Variants in DNAH12 observed in about 807,000 individuals in gnomAD.
DNAH12 encodes dynein axonemal heavy chain 12, also known as axonemal beta dynein heavy chain 12.
Under a neutral mutation model 371.5 loss-of-function variants are expected in DNAH12, and 285 were observed. That is an observed-to-expected ratio of 0.77 (90% CI 0.70 to 0.85). The LOEUF is 0.85. Ranked by LOEUF, DNAH12 falls within the 40% of genes least tolerant of loss-of-function variation. DNAH12 has a pLI of 0.00. For missense variants in DNAH12, 3,611 were observed against 3,689.4 expected, an observed-to-expected ratio of 0.98 and a Z score of 0.55; for synonymous variants, 1,200 against 1,213.0, an observed-to-expected ratio of 0.99 and a Z score of 0.22.
intron 40 of DNAH12, among the ~76,000 whole-genome samples, chr3:57,406,365 A>AAAAAG (rs1241982135): frequency 5.3e-5 from 8 of 151,688 alleles, no homozygotes; most frequent in South Asian, 4.2e-4. Context: ...TCAAAAAAAA[A>AAAAAG]AAAAAAGAAA....
chr3:57,529,927 T>C (rs898790201), intron 2 of DNAH12, among the ~76,000 whole-genome samples: 8 of 152,136 alleles, frequency 5.3e-5, no homozygotes, highest in Admixed American at 2.0e-4. Flanking sequence ...TTTTCATATG[T>C]TGCATTTCCA....
At chr3:57,391,343 A>AT (rs1437059025) in intron 45 of DNAH12, among the ~76,000 whole-genome samples, 2 of 151,888 alleles carry the variant, frequency 1.3e-5, no homozygotes, top group African/African-American at 4.8e-5. Context: ...CTAAGACATT[A>AT]TTTTTTTTCC....
intron 55 of DNAH12, among the ~76,000 whole-genome samples, chr3:57,368,993 T>C (rs1575511376): frequency 1.3e-5 from 2 of 151,736 alleles, no homozygotes; most frequent in Non-Finnish European, 1.5e-5. Flanking sequence ...GATCACCCGA[T>C]GTCAGGAGTT....
intron 62 of DNAH12, among the ~76,000 whole-genome samples, chr3:57,325,664 C>G (rs1325662489): frequency 6.6e-6 from 1 of 152,154 alleles, no homozygotes; most frequent in Non-Finnish European, 1.5e-5. Flanking sequence ...AGCAGAGCAC[C>G]TCTCCTCCTC....
intron 53 of DNAH12, among the ~76,000 whole-genome samples, chr3:57,376,742 T>G (rs889151993): frequency 6.6e-6 from 1 of 152,158 alleles, no homozygotes; most frequent in Non-Finnish European, 1.5e-5. Flanking sequence ...CACTTGGATT[T>G]AAAAAATTGT....
At chr3:57,397,647 C>G (rs2063772870) in intron 43 of DNAH12, among the ~76,000 whole-genome samples, 1 of 152,126 alleles carries the variant, frequency 6.6e-6, no homozygotes, top group Admixed American at 6.6e-5. Flanking sequence ...AGGAATACAA[C>G]GGAATCAGCA....
At position 57,322,516 on chromosome 3, in the gene DNAH12, G is replaced by A. The variant is rs531234028; in HGVS notation, c.10384-33C>T. On this transcript the variant is annotated intron_variant, in intron 64 of 73. Coordinates refer to ENST00000495027, the MANE Select transcript of DNAH12 (RefSeq NM_001366028.2). ...AAAATAAATGGAGAGCATTATACAA[G>A]ATAGCAAGTGGAGGCTCTAAAAGTG... The A allele has an allele frequency of 4.5e-4, 690 of 1,538,288 alleles. 1 individual carries two copies. Among genetic ancestry groups the A allele is most frequent in the Middle Eastern group, 8.4e-4 (5 of 5,926 alleles).
chr3:57,454,034 A>C (rs1484104265), intron 23 of DNAH12, among the ~76,000 whole-genome samples: 1 of 152,120 alleles, frequency 6.6e-6, no homozygotes, highest in African/African-American at 2.4e-5. Context: ...GCTTGAGCCC[A>C]GGAGTTTGAG....
chr3:57,426,731 C>T (rs2064781207), intron 34 of DNAH12, among the ~76,000 whole-genome samples: 1 of 151,460 alleles, frequency 6.6e-6, no homozygotes, highest in Non-Finnish European at 1.5e-5. Flanking sequence ...TGCCTGTAAT[C>T]CCAGCTACCT....
At chr3:57,488,072 A>G (rs1327479470) in intron 12 of DNAH12, among the ~76,000 whole-genome samples, 1 of 152,158 alleles carries the variant, frequency 6.6e-6, no homozygotes, top group Non-Finnish European at 1.5e-5. Flanking sequence ...TTGCTTATTC[A>G]ATTTAAGATA....
chr3:57,350,267 C>A (rs1230900976), intron 60 of DNAH12, among the ~76,000 whole-genome samples: 3 of 151,984 alleles, frequency 2.0e-5, no homozygotes, highest in Non-Finnish European at 4.4e-5. Flanking sequence ...ACCACCAGTT[C>A]CCCCAAAAAC....
rs1415844806 is a variant in DNAH12, at chr3:57,507,830, C to G, written c.710G>C (p.Gly237Ala). Reference sequence around the variant, plus strand: ...TTTCAGTGATTCACAGTCAATTGGACCTTTAGCTCTATTTATGAGAAAAAG... The same window carrying G: ...TTTCAGTGATTCACAGTCAATTGGAGCTTTAGCTCTATTTATGAGAAAAAG... Reference protein sequence around the residue: ...LLDFTGIRAKGPIDCESLKTD... With the variant: ...LLDFTGIRAKAPIDCESLKTD... The change falls in exon 8 of 74, where the codon GGT (glycine) becomes GCT (alanine). Residue 237 changes from glycine to alanine, a missense_variant. By Grantham distance (60) the Gly-to-Ala change is moderately conservative. Transcript: ENST00000495027. The G allele has an allele frequency of 1.9e-6, 3 of 1,572,298 alleles. No individual in the cohort carries two copies. The highest frequency in any genetic ancestry group is 2.6e-6 in the Non-Finnish European group (3 of 1,169,356).
chr3:57,512,829 T>C (rs1347321003), intron 4 of DNAH12, among the ~76,000 whole-genome samples: 1 of 152,140 alleles, frequency 6.6e-6, no homozygotes, highest in Non-Finnish European at 1.5e-5. Flanking sequence ...CCATCAATGA[T>C]AGACTGGATA....
intron 32 of DNAH12, among the ~76,000 whole-genome samples, chr3:57,430,383 A>G (rs1439495462): frequency 6.6e-6 from 1 of 152,190 alleles, no homozygotes; most frequent in Non-Finnish European, 1.5e-5. Context: ...CTTTATTATC[A>G]TCTAATACTC....
chr3:57,293,968 T>C lies in DNAH12; in HGVS notation c.11696A>G (p.Gln3899Arg), dbSNP rs2061175211. 5.7e-6 allele frequency: 8 copies of C among 1,404,034 alleles called. No homozygotes were observed. Among genetic ancestry groups the C allele is most frequent in the African/African-American group, 1.5e-5 (1 of 67,348 alleles). 87.0% of individuals were successfully genotyped at this position (1,404,034 alleles called of 1,614,324 possible). ...LMPIIWIKPTQKSRIIKSDAY... is the reference protein window; with the variant it reads ...LMPIIWIKPTRKSRIIKSDAY... ...ATCCGACTTTATAATCCGAGATTTT[T>C]GAGCTTGAAAAAAAAAAAGAAATAT... Residue 3899 changes from glutamine to arginine, a missense_variant, in exon 74 of 74, where the codon CAA (glutamine) becomes CGA (arginine). By Grantham distance (43) the Gln-to-Arg change is conservative. This residue lies in a region of DNAH12 where 2,266 missense variants were observed against 2,236.9 expected (regional missense o/e 1.01). Coordinates refer to ENST00000495027, the MANE Select transcript of DNAH12 (RefSeq NM_001366028.2).
chr3:57,451,177 T>C (rs766741769), intron 25 of DNAH12, among the ~76,000 whole-genome samples: 10 of 152,224 alleles, frequency 6.6e-5, no homozygotes, highest in Non-Finnish European at 8.8e-5. Context: ...TGCACAAGAA[T>C]TGCCACTTCA....
intron 2 of DNAH12, among the ~76,000 whole-genome samples, chr3:57,536,712 G>T (rs1490585725): frequency 6.6e-6 from 1 of 152,100 alleles, no homozygotes; most frequent in East Asian, 1.9e-4. Context: ...GTATGCACTA[G>T]TTGGCACTAG....
chr3:57,407,149 G>A (rs2064058264), intron 40 of DNAH12, among the ~76,000 whole-genome samples: 1 of 151,924 alleles, frequency 6.6e-6, no homozygotes, highest in Non-Finnish European at 1.5e-5. Context: ...CGCCCACCTT[G>A]GCCTCCCAAA....
intron 45 of DNAH12, among the ~76,000 whole-genome samples, chr3:57,388,614 T>C (rs2063544309): frequency 6.6e-6 from 1 of 152,116 alleles, no homozygotes; most frequent in African/African-American, 2.4e-5. Context: ...TTTTATAAAA[T>C]GCCAGGTTAA....
Sources: allele counts gnomAD v4.1 joint callset (sites outside exome capture counted in the v4.1 genomes callset), GRCh38; gene constraint gnomAD v4.1.1; regional missense constraint gnomAD v4.1.1; transcripts MANE v1.5; gene names NCBI Gene and HGNC (gene_info 2026-07-23, HGNC 2026-07-21).